The following GNL2 variants were observed in gnomAD, a reference collection of about 807,000 sequenced individuals.
GNL2 encodes the protein nucleolar GTP-binding protein 2.
A neutral mutation model predicts 92.3 loss-of-function variants in GNL2; 51 were observed. The ratio of observed to expected loss-of-function variants is 0.55; its 90% CI spans 0.44 to 0.70. GNL2 has a LOEUF of 0.70. Among genes scored for constraint, GNL2 ranks in the 30% least tolerant of loss-of-function variants. GNL2 has a pLI of 0.00. For missense variants in GNL2, 844 were observed against 895.6 expected (o/e 0.94, Z 0.74); for synonymous variants, 283 against 300.6 (o/e 0.94, Z 0.61).
chr1:37,586,538 C>T (rs1172425266), intron 5 of GNL2, among the ~76,000 whole-genome samples: 1 of 152,168 alleles, frequency 6.6e-6, no homozygotes, highest in Non-Finnish European at 1.5e-5. Context: ...TTTATGTAAG[C>T]TCACAAATTT....
chr1:37,571,368 T>C (rs1557637417), intron 12 of GNL2, among the ~76,000 whole-genome samples: 2 of 152,302 alleles, frequency 1.3e-5, no homozygotes, highest in South Asian at 2.1e-4. Context: ...TGCACCCCCA[T>C]TGTTCCTATA....
Position 37,574,660 on chromosome 1 carries a change from G to C in GNL2, c.1302+5C>G, listed in dbSNP as rs111907668. The C allele has an allele frequency of 7.7e-5, 125 of 1,612,936 alleles. No homozygotes were observed. In the African/African-American group the frequency reaches 1.4e-3, roughly 18 times the overall value. The stretch of plus-strand genomic sequence containing the variant: ...CAGTCTAAATTCTCACAAACGCCGG[G>C]TCACCTTTAGTAACTTCCCAGTCCG... On this transcript the variant is annotated splice_donor_5th_base_variant and intron_variant, in intron 11 of 15. Coordinates refer to ENST00000373062, the MANE Select transcript of GNL2 (RefSeq NM_013285.3).
intron 8 of GNL2, among the ~76,000 whole-genome samples, chr1:37,581,963 A>G (rs1292596625): frequency 1.3e-5 from 2 of 150,802 alleles, no homozygotes; most frequent in Non-Finnish European, 3.0e-5. Flanking sequence ...GCGCCCGGCC[A>G]CATCTTTTTT....
intron 2 of GNL2, 133 bp downstream of exon 2, chr1:37,593,629 T>C: frequency 1.6e-6 from 1 of 626,196 alleles, no homozygotes; most frequent in Non-Finnish European, 2.8e-6. Context: ...GACACTCACG[T>C]ACAATTATAT....
rs547713872 is a variant in GNL2, at chr1:37,584,510, G to A, written c.570-577C>T. Among the ~76,000 whole-genome samples the A allele has an allele frequency of 3.7e-3, 546 of 146,328 alleles. 3 individuals carry two copies. Among genetic ancestry groups the A allele is most frequent in the Middle Eastern group, 7.2e-3 (2 of 278 alleles). On this transcript the variant is annotated intron_variant, in intron 5 of 15. Coordinates refer to ENST00000373062, the MANE Select transcript of GNL2 (RefSeq NM_013285.3). ...AAAATTCTGACACCTGCTACAACAC[G>A]AATGAACCTTGAAGACATTATGCTA...
At chr1:37,590,878 T>G (rs1643883940) in intron 3 of GNL2, 33 bp from the exon 4 acceptor site, 5 of 1,521,714 alleles carry the variant, frequency 3.3e-6, no homozygotes. Flanking sequence ...TGCCACTTAG[T>G]TAATATTTGC....
chr1:37,582,151 C>T, intron 8 of GNL2, 72 bp downstream of exon 8: 2 of 1,016,558 alleles, frequency 2.0e-6, no homozygotes, highest in South Asian at 1.6e-5. Flanking sequence ...TTCTGCTATG[C>T]CATGGCAAGA....
intron 5 of GNL2, among the ~76,000 whole-genome samples, chr1:37,585,560 T>C (rs149032682): frequency 1.8e-3 from 272 of 152,362 alleles, no homozygotes; most frequent in African/African-American, 6.2e-3. Flanking sequence ...CTAGGACATT[T>C]ACCCAAGGTA....
At chr1:37,595,677 C>G in intron 1 of GNL2, 82 bp downstream of exon 1, 1 of 1,182,592 alleles carries the variant, frequency 8.5e-7, no homozygotes. Context: ...CTCGAGTAAC[C>G]CTCCTTCCCC....
At chr1:37,571,454 C>T (rs898477580) in intron 12 of GNL2, among the ~76,000 whole-genome samples, 12 of 152,156 alleles carry the variant, frequency 7.9e-5, no homozygotes, top group Non-Finnish European at 1.8e-4. Flanking sequence ...ATCCCTAATT[C>T]CAGCAACCAG....
In GNL2 at chr1:37,592,769, G is replaced by C; in HGVS notation, c.187C>G (p.Gln63Glu). Residue 63 changes from glutamine (Q) to glutamate (E), a missense_variant, in exon 3 of 16, where the codon CAA becomes GAA. Coordinates refer to ENST00000373062, the MANE Select transcript of GNL2 (RefSeq NM_013285.3). ...ACTGTGCCAGAAGCCACCGTTGATTGATATTGCAGGGGTTTAATTATTTTA... is the reference window on the plus strand; with the variant it reads ...ACTGTGCCAGAAGCCACCGTTGATTCATATTGCAGGGGTTTAATTATTTTA... ...RGKIIKPLQY[Q>E]STVASGTVAR... 1 of 1,608,338 alleles carries C rather than the reference G, an allele frequency of 6.2e-7. No homozygotes were observed. The highest frequency in any genetic ancestry group is 8.5e-7 in the Non-Finnish European group (1 of 1,174,696).
At chr1:37,579,912 A>C (rs1643739462) in intron 8 of GNL2, among the ~76,000 whole-genome samples, 1 of 151,384 alleles carries the variant, frequency 6.6e-6, no homozygotes, top group Non-Finnish European at 1.5e-5. Context: ...AAAAAAAAAA[A>C]AAAAGAAAGC....
rs887700838 is a variant in GNL2 at position 37,590,626 on chromosome 1, CAAA to C, written c.384+77_384+79del. The C allele has an allele frequency of 3.7e-5, 45 of 1,203,946 alleles. No individual in the cohort carries two copies. In the Middle Eastern group the frequency reaches 1.3e-3, roughly 34 times the overall value. 74.6% of individuals were successfully genotyped at this position (1,203,946 alleles called of 1,614,324 possible). ...AAAGTCACTATTTTCTAAGGAAAAA[CAAA>C]AGACAAATATGTTAGAGAGGGATCT... On this transcript the variant is annotated intron_variant, in intron 4 of 15. Coordinates refer to ENST00000373062, the MANE Select transcript of GNL2 (RefSeq NM_013285.3).
At position 37,587,409 on chromosome 1, in the gene GNL2, T is replaced by C; in HGVS notation, c.471A>G (p.Ala157=). The change falls in exon 5 of 16, where the codon GCA becomes GCG. Residue 157 remains alanine, a synonymous_variant. Coordinates refer to ENST00000373062, the MANE Select transcript of GNL2 (RefSeq NM_013285.3). ...KSQRKRPNLF[A]SDMQSLIENA... ...TTTCGATAAGAGACTGCATATCACTTGCAAATAAGTTTGGTCGTTTCCTCT... is the reference window on the plus strand; with the variant it reads ...TTTCGATAAGAGACTGCATATCACTCGCAAATAAGTTTGGTCGTTTCCTCT... 1 of 1,613,486 alleles carries C rather than the reference T, an allele frequency of 6.2e-7. No homozygotes were observed. Among genetic ancestry groups the C allele is most frequent in the Non-Finnish European group, 8.5e-7 (1 of 1,179,410 alleles).
intron 8 of GNL2, among the ~76,000 whole-genome samples, chr1:37,581,122 T>C (rs138917190): frequency 1.1e-4 from 16 of 152,230 alleles, no homozygotes; most frequent in Non-Finnish European, 2.4e-4. Context: ...TCATTTTCCA[T>C]AGTAAGAAAT....
chr1:37,588,802 T>C (rs1643871353), intron 4 of GNL2, among the ~76,000 whole-genome samples: 1 of 152,106 alleles, frequency 6.6e-6, no homozygotes, highest in Non-Finnish European at 1.5e-5. Flanking sequence ...TGCAAAATAA[T>C]CTCAGAATTA....
At chr1:37,569,670 C>T in intron 12 of GNL2, 1 of 206,216 alleles carries the variant, frequency 4.8e-6, no homozygotes, top group South Asian at 8.8e-5. Context: ...GAAGGCCAGG[C>T]TGGATGTTAC....
chr1:37,587,832 C>G (rs931415388), intron 4 of GNL2, among the ~76,000 whole-genome samples: 5 of 152,152 alleles, frequency 3.3e-5, no homozygotes, highest in Non-Finnish European at 7.4e-5. Context: ...GTAATTAAGG[C>G]TACAGTGGTG....
At chr1:37,588,998 A>G (rs1643871837) in intron 4 of GNL2, among the ~76,000 whole-genome samples, 1 of 152,248 alleles carries the variant, frequency 6.6e-6, no homozygotes, top group African/African-American at 2.4e-5. Context: ...CACTGACAAC[A>G]AGTACAGGCA....
Sources: gnomAD v4.1 joint callset for allele counts (sites outside exome capture counted in the v4.1 genomes callset) on GRCh38, gnomAD v4.1.1 for gene constraint, MANE v1.5 for transcripts, NCBI Gene and HGNC (gene_info 2026-07-23, HGNC 2026-07-21) for gene names.